The following LAD1 variants were observed in gnomAD, a reference collection of about 807,000 sequenced individuals.
LAD1 encodes the protein ladinin 1.
In LAD1, 53 loss-of-function variants were observed where a neutral mutation model predicts 54.2. The observed-to-expected ratio is 0.98, with a 90% confidence interval of 0.78 to 1.23. The LOEUF is 1.23. LAD1 is among the 50% of genes most tolerant of loss of function. LAD1 has a pLI of 0.00. For synonymous variants in LAD1, 231 were observed against 257.7 expected, an observed-to-expected ratio of 0.90 and a Z score of 0.99; for missense variants, 637 against 653.3, an observed-to-expected ratio of 0.98 and a Z score of 0.27.
At chr1:201,389,586 G>A (rs766288165) in intron 1 of LAD1, among the ~76,000 whole-genome samples, 8 of 152,032 alleles carry the variant, frequency 5.3e-5, no homozygotes, top group South Asian at 2.1e-4. Context: ...GCTGAGACAC[G>A]CGGATTGCCT....
At position 201,390,370 on chromosome 1, in the gene LAD1, CA is replaced by C. The variant is rs34155846; in HGVS notation, c.39-1068del. 6.3e-3 allele frequency among the ~76,000 whole-genome samples: 704 copies of C among 112,180 alleles called. 1 individual carries two copies. Among genetic ancestry groups the C allele is most frequent in the Middle Eastern group, 9.0e-3 (2 of 222 alleles). 73.6% of individuals were successfully genotyped at this position (112,180 alleles called of 152,430 possible). On this transcript the variant is annotated intron_variant, in intron 1 of 9. Transcript: ENST00000391967. ...TGAAACCCTGTCTCTACTAAAAATA[CA>C]AAAAAAAAAAAAAAAATTAGCTGGG...
At chr1:201,383,689 A>G (rs984022391) in intron 5 of LAD1, 1 of 417,894 alleles carries the variant, frequency 2.4e-6, no homozygotes, top group African/African-American at 2.0e-5. Context: ...CTTCCCCATC[A>G]CAGCAATCGC....
intron 1 of LAD1, among the ~76,000 whole-genome samples, chr1:201,396,135 C>G (rs1662284404): frequency 6.6e-6 from 1 of 152,230 alleles, no homozygotes; most frequent in African/African-American, 2.4e-5. Flanking sequence ...GTGAAACCTA[C>G]AGGCCCGAAC....
intron 3 of LAD1, 61 bp downstream of exon 3, chr1:201,386,274 T>G: frequency 8.0e-7 from 1 of 1,255,022 alleles, no homozygotes; most frequent in Non-Finnish European, 1.0e-6. Flanking sequence ...TGGGTGGGAC[T>G]GGCCGGCAGT....
chr1:201,386,474 G>A lies in LAD1; in HGVS notation c.887C>T (p.Pro296Leu), dbSNP rs984086109. Residue 296 changes from proline (P) to leucine (L), a missense_variant, in exon 3 of 10, where the codon CCA becomes CTA. Pro to Leu is a moderately conservative substitution (Grantham distance 98). Coordinates refer to ENST00000391967, the MANE Select transcript of LAD1 (RefSeq NM_005558.4). ...GGTGGCTGGGCTTCCCCCAGAGGCT[G>A]GCGGCTCCTGCGCCAGGGGCTGCTC... is the stretch of plus-strand genomic sequence containing the variant. ...ASEQPLAQEP[P>L]ASGGSPATTK... 7 of 1,552,078 alleles carry A rather than the reference G, an allele frequency of 4.5e-6. No individual in the cohort carries two copies. Among genetic ancestry groups the A allele is most frequent in the Non-Finnish European group, 5.2e-6 (6 of 1,154,916 alleles).
At position 201,381,709 on chromosome 1, in the gene LAD1, G is replaced by A; in HGVS notation, c.*179C>T. ...TCCCAGCCCCAAGAGGCTGGGCTGG[G>A]AAGGAGCTGGCTGAGTCTTGCAAAT... On this transcript the variant is annotated 3_prime_UTR_variant, in exon 10 of 10. Coordinates refer to ENST00000391967, the MANE Select transcript of LAD1 (RefSeq NM_005558.4). 1.4e-6 allele frequency: 1 copy of A among 715,552 alleles called. No homozygotes were observed. The highest frequency in any genetic ancestry group is 2.5e-6 in the Non-Finnish European group (1 of 394,256). The allele number at this position is 715,552 out of a possible 1,614,324, so 44.3% of individuals were successfully genotyped here.
At chr1:201,387,695 C>G in intron 2 of LAD1, among the ~76,000 whole-genome samples, 1 of 152,180 alleles carries the variant, frequency 6.6e-6, no homozygotes, top group East Asian at 1.9e-4. Flanking sequence ...TGCAGCCCAG[C>G]TCTGGACATC....
At chr1:201,386,278 C>A in intron 3 of LAD1, 57 bp downstream of exon 3, 3 of 1,312,092 alleles carry the variant, frequency 2.3e-6, no homozygotes, top group Middle Eastern at 5.4e-4. Flanking sequence ...TGGGACTGGC[C>A]GGCAGTGCCA....
intron 4 of LAD1, 57 bp downstream of exon 4, chr1:201,385,644 G>A (rs753630009): frequency 2.1e-5 from 26 of 1,251,732 alleles, no homozygotes; most frequent in Admixed American, 5.0e-5. Context: ...TAATGGATGC[G>A]GGCTTCCTCC....
chr1:201,398,674 A>G (rs1268737212), intron 1 of LAD1, among the ~76,000 whole-genome samples: 1 of 152,166 alleles, frequency 6.6e-6, no homozygotes, highest in East Asian at 1.9e-4. Flanking sequence ...GTACAAGTAA[A>G]GATTGCAGCA....
At position 201,387,195 on chromosome 1, in the gene LAD1, G is replaced by A. The variant is rs1395105999; in HGVS notation, c.183-17C>T. On this transcript the variant is annotated splice_polypyrimidine_tract_variant and intron_variant, in intron 2 of 9. Coordinates refer to ENST00000391967, the MANE Select transcript of LAD1 (RefSeq NM_005558.4). ...CTCGGTAGTCTGAATCAGAAGATGG[G>A]AGACAGAATCAGAGGATAGAGGTGG... 1 of 1,492,682 alleles carries A rather than the reference G, an allele frequency of 6.7e-7. No homozygotes were observed. Among genetic ancestry groups the A allele is most frequent in the East Asian group, 2.3e-5 (1 of 43,116 alleles). The allele number at this position is 1,492,682 out of a possible 1,614,324, so 92.5% of individuals were successfully genotyped here.
In LAD1 at chr1:201,383,125, A is replaced by G. The variant is rs762692094; in HGVS notation, c.1335T>C (p.Phe445=). 1.1e-4 allele frequency: 175 copies of G among 1,613,742 alleles called. 1 individual carries two copies. Among genetic ancestry groups the G allele is most frequent in the Middle Eastern group, 4.9e-4 (3 of 6,084 alleles). Residue 445 remains phenylalanine (F), a synonymous_variant, in exon 7 of 10, where the codon TTT becomes TTC. Transcript: ENST00000391967. ...GGCTCTGGCCCGCCAGTTCCTTCTC[A>G]AAGAGGTGGCGCTTGCTGGCTACAC... The part of the protein sequence containing the change: ...PVGVASKRHL[F]EKELAGQSRA...
chr1:201,383,330 T>C lies in LAD1; in HGVS notation c.1235A>G (p.His412Arg). The C allele has an allele frequency of 1.9e-6, 3 of 1,614,022 alleles. No individual in the cohort carries two copies. Among genetic ancestry groups the C allele is most frequent in the Non-Finnish European group, 2.5e-6 (3 of 1,180,008 alleles). Residue 412 changes from histidine (H) to arginine (R), a missense_variant, in exon 6 of 10, where the codon CAC (histidine) becomes CGC (arginine). By Grantham distance (29) the His-to-Arg change is conservative. Coordinates refer to ENST00000391967, the MANE Select transcript of LAD1 (RefSeq NM_005558.4). Reference protein sequence around the residue: ...VKLGEKLERYHTAIRRSESVK... With the variant: ...VKLGEKLERYRTAIRRSESVK... The stretch of plus-strand genomic sequence containing the variant: ...GCCCCCACCCACCCGTATGGCCGTG[T>C]GGTATCTCTCCAGCTTCTCTCCCAA...
At chr1:201,392,407 A>C (rs932973309) in intron 1 of LAD1, among the ~76,000 whole-genome samples, 2 of 152,256 alleles carry the variant, frequency 1.3e-5, no homozygotes, top group Admixed American at 6.5e-5. Context: ...GAACAAAATG[A>C]CACCAGCTAA....
chr1:201,386,319 A>G lies in LAD1; in HGVS notation c.1026+16T>C. On this transcript the variant is annotated intron_variant, in intron 3 of 9. Coordinates refer to ENST00000391967, the MANE Select transcript of LAD1 (RefSeq NM_005558.4). ...GTGGCAGAGTAGAAGGGTGGGAGGG[A>G]CGGGACACTGCCAACCTGGAGTGTG... 3 of 1,278,892 alleles carry G rather than the reference A, an allele frequency of 2.3e-6. No homozygotes were observed. Among genetic ancestry groups the G allele is most frequent in the Non-Finnish European group, 3.1e-6 (3 of 956,170 alleles). The allele number at this position is 1,278,892 out of a possible 1,614,324, so 79.2% of individuals were successfully genotyped here.
rs550268390 is a variant in LAD1, at chr1:201,383,343, G to C, written c.1222C>G (p.Leu408Val). The change falls in exon 6 of 10, where the codon CTG becomes GTG. Residue 408 changes from leucine to valine, a missense_variant. By Grantham distance (32) the Leu-to-Val change is conservative. Transcript: ENST00000391967. ...CGTATGGCCGTGTGGTATCTCTCCA[G>C]CTTCTCTCCCAACTTCACTGTGTTG... The part of the protein sequence containing the change: ...PDNTVKLGEK[L>V]ERYHTAIRRS... The C allele has an allele frequency of 8.1e-6, 13 of 1,614,058 alleles. No homozygotes were observed. In the African/African-American group the frequency reaches 9.3e-5, roughly 12 times the overall value.
At chr1:201,391,167 A>G in intron 1 of LAD1, 2 of 456,492 alleles carry the variant, frequency 4.4e-6, no homozygotes, top group South Asian at 1.5e-5. Context: ...AGCTTCGTGG[A>G]AAGAGTTGAG....
intron 9 of LAD1, 151 bp downstream of exon 9, chr1:201,382,101 G>T: frequency 1.2e-6 from 1 of 848,026 alleles, no homozygotes. Flanking sequence ...CTCACGGTTG[G>T]CTCAGACCAA....
chr1:201,381,676 T>G lies in LAD1; in HGVS notation c.*212A>C, dbSNP rs1571717725. On this transcript the variant is annotated 3_prime_UTR_variant, in exon 10 of 10. Transcript: ENST00000391967. The stretch of plus-strand genomic sequence containing the variant: ...AGCATCTGTTGTGCCTGCCGCAGGG[T>G]GAGAAAGTCCCAGCCCCAAGAGGCT... 2 of 638,360 alleles carry G rather than the reference T, an allele frequency of 3.1e-6. No individual in the cohort carries two copies. The allele number at this position is 638,360 out of a possible 1,614,324, so 39.5% of individuals were successfully genotyped here. A position where few individuals can be genotyped will look rare whatever the true frequency, so the allele number is the denominator to read the frequency against.
Sources: allele counts gnomAD v4.1 joint callset (sites outside exome capture counted in the v4.1 genomes callset), GRCh38; gene constraint gnomAD v4.1.1; transcripts MANE v1.5; gene names NCBI Gene and HGNC (gene_info 2026-07-23, HGNC 2026-07-21).